GALNT2: variants seen among roughly 807,000 people sequenced by gnomAD.
GALNT2 encodes the protein polypeptide N-acetylgalactosaminyltransferase 2.
GALNT2 carries 31 observed loss-of-function variants against 81.4 expected under a neutral mutation model. That is an observed-to-expected ratio of 0.38 (90% CI 0.29 to 0.51). The LOEUF is 0.51. GALNT2 is among the 20% of genes least tolerant of loss of function. GALNT2 has a pLI of 0.87. For synonymous variants in GALNT2, 303 were observed against 287.4 expected, an observed-to-expected ratio of 1.05 and a Z score of -0.55; for missense variants, 629 against 765.7, an observed-to-expected ratio of 0.82 and a Z score of 2.11.
intron 1 of GALNT2, among the ~76,000 whole-genome samples, chr1:230,115,783 G>T (rs745469373): frequency 1.3e-5 from 2 of 152,350 alleles, no homozygotes; most frequent in East Asian, 1.9e-4. Flanking sequence ...ATAGGAGTCA[G>T]TTCCCTCAAA....
intron 3 of GALNT2, among the ~76,000 whole-genome samples, chr1:230,218,073 G>A (rs1407418605): frequency 6.6e-6 from 1 of 152,068 alleles, no homozygotes; most frequent in East Asian, 1.9e-4. Flanking sequence ...GGTGGGGTGG[G>A]AAATACAAGG....
At chr1:230,133,564 C>T (rs1033322068) in intron 1 of GALNT2, among the ~76,000 whole-genome samples, 2 of 152,136 alleles carry the variant, frequency 1.3e-5, no homozygotes, top group Admixed American at 6.5e-5. Flanking sequence ...AGCAATTCTC[C>T]TGCCTCAGCC....
At chr1:230,095,788 C>G (rs1660237868) in intron 1 of GALNT2, among the ~76,000 whole-genome samples, 1 of 152,138 alleles carries the variant, frequency 6.6e-6, no homozygotes, top group South Asian at 2.1e-4. Flanking sequence ...TCCCCTGGGG[C>G]CCAACTGCCA....
chr1:230,166,832 G>A (rs1662619100), intron 1 of GALNT2, among the ~76,000 whole-genome samples: 1 of 152,188 alleles, frequency 6.6e-6, no homozygotes, highest in African/African-American at 2.4e-5. Flanking sequence ...CCTCAGAATG[G>A]GGGAGAATTG....
intron 2 of GALNT2, among the ~76,000 whole-genome samples, chr1:230,197,646 G>A (rs1438128791): frequency 6.6e-6 from 1 of 152,174 alleles, no homozygotes; most frequent in East Asian, 1.9e-4. Flanking sequence ...TCATTTAGTT[G>A]TTATAACAAC....
rs190379144 is a variant in GALNT2 at position 230,187,691 on chromosome 1, A to T, written c.220+9380A>T. Among the ~76,000 whole-genome samples the T allele has an allele frequency of 1.9e-3, 293 of 152,298 alleles. 2 individuals carry two copies. The highest frequency in any genetic ancestry group is 6.6e-3 in the African/African-American group (276 of 41,560). On this transcript the variant is annotated intron_variant, in intron 2 of 15. Transcript: ENST00000366672. ...GAATCAAGTTGTGCAAACAAATTGA[A>T]GGATGGTGAATGTGGAGGACTTTAT...
At chr1:230,224,000 G>T (rs914577691) in intron 3 of GALNT2, among the ~76,000 whole-genome samples, 2 of 152,236 alleles carry the variant, frequency 1.3e-5, no homozygotes, top group African/African-American at 4.8e-5. Context: ...TAACCTCTAA[G>T]AAGGGTGCTC....
upstream of GALNT2, among the ~76,000 whole-genome samples, chr1:230,066,731 G>A (rs4290070): frequency 7.9e-4 from 121 of 152,354 alleles, 2 homozygotes; most frequent in South Asian, 0.024. Context: ...AGAGGTGACA[G>A]TCTGGGCAGG....
chr1:230,279,560 T>A lies in GALNT2; in HGVS notation c.*102T>A. ...TCTTAAACTTTCCGCGAAACTAATATACCTCAGTATTCCATCATGGTCTGA... is the reference window on the plus strand; with the variant it reads ...TCTTAAACTTTCCGCGAAACTAATAAACCTCAGTATTCCATCATGGTCTGA... On this transcript the variant is annotated 3_prime_UTR_variant, in exon 16 of 16. Transcript: ENST00000366672. This position sits in a 1 kb window ranked among gnomAD's most constrained non-coding sequence, Gnocchi z 4.6. 7.4e-7 allele frequency: 1 copy of A among 1,354,026 alleles called. No individual in the cohort carries two copies. Among genetic ancestry groups the A allele is most frequent in the Non-Finnish European group, 1.0e-6 (1 of 994,314 alleles). The allele number at this position is 1,354,026 out of a possible 1,614,324, so 83.9% of individuals were successfully genotyped here.
chr1:230,206,325 G>A (rs142858184), intron 3 of GALNT2, among the ~76,000 whole-genome samples: 173 of 152,090 alleles, frequency 1.1e-3, no homozygotes, highest in African/African-American at 3.9e-3. Flanking sequence ...ACAGATGTTT[G>A]AATATTCATC....
Position 230,070,027 on chromosome 1 carries a change from T to C in GALNT2, c.126+2621T>C, listed in dbSNP as rs1392222965. Reference sequence around the variant, plus strand: ...TTGTGTGCCCTGCCTGTTAAGTAACTCATCACAGAACTGTTATTCTCCACT... The same window carrying C: ...TTGTGTGCCCTGCCTGTTAAGTAACCCATCACAGAACTGTTATTCTCCACT... On this transcript the variant is annotated intron_variant, in intron 1 of 15. Transcript: ENST00000366672. The surrounding 1 kb of genome is among the most constrained non-coding windows in gnomAD (Gnocchi z 4.7). 6.6e-6 allele frequency among the ~76,000 whole-genome samples: 1 copy of C among 152,114 alleles called. No individual in the cohort carries two copies. Among genetic ancestry groups the C allele is most frequent in the Non-Finnish European group, 1.5e-5 (1 of 68,030 alleles).
At chr1:230,120,523 C>A (rs1389380267) in intron 1 of GALNT2, among the ~76,000 whole-genome samples, 2 of 152,314 alleles carry the variant, frequency 1.3e-5, no homozygotes, top group African/African-American at 2.4e-5. Flanking sequence ...TGTTCCATGT[C>A]TAAGTGGAGT....
At chr1:230,102,153 GGAA>G (rs1399793804) in intron 1 of GALNT2, among the ~76,000 whole-genome samples, 2 of 152,138 alleles carry the variant, frequency 1.3e-5, no homozygotes, top group Non-Finnish European at 2.9e-5. Context: ...CTGTTCTCTT[GGAA>G]GAAGATTTTT....
intron 3 of GALNT2, among the ~76,000 whole-genome samples, chr1:230,221,091 T>C (rs1664532306): frequency 6.6e-6 from 1 of 152,250 alleles, no homozygotes; most frequent in Non-Finnish European, 1.5e-5. Flanking sequence ...ATTTGTCTCA[T>C]ACCCTCTGAT....
chr1:230,183,700 A>G (rs1308343507), intron 2 of GALNT2, among the ~76,000 whole-genome samples: 3 of 152,240 alleles, frequency 2.0e-5, no homozygotes, highest in Non-Finnish European at 4.4e-5. Flanking sequence ...AAAATAGGCG[A>G]GGAGCAGTGG....
intron 1 of GALNT2, among the ~76,000 whole-genome samples, chr1:230,157,997 GA>G (rs997949356): frequency 5.3e-5 from 8 of 151,934 alleles, no homozygotes; most frequent in Non-Finnish European, 7.4e-5. Context: ...TAAAAGCAGA[GA>G]AAAAAAATCA....
upstream of GALNT2, among the ~76,000 whole-genome samples, chr1:230,062,500 T>C (rs1218598275): frequency 2.0e-5 from 3 of 152,348 alleles, no homozygotes; most frequent in South Asian, 2.1e-4. Context: ...TAAATAATAA[T>C]GGGAACTCCT....
At position 230,193,906 on chromosome 1, in the gene GALNT2, C is replaced by T. The variant is rs916273167; in HGVS notation, c.221-9231C>T. Among the ~76,000 whole-genome samples, 4 of 152,150 alleles carry T rather than the reference C, an allele frequency of 2.6e-5. No homozygotes were observed. The highest frequency in any genetic ancestry group is 6.5e-5 in the Admixed American group (1 of 15,274). On this transcript the variant is annotated intron_variant, in intron 2 of 15. Coordinates refer to ENST00000366672, the MANE Select transcript of GALNT2 (RefSeq NM_004481.5). The surrounding 1 kb of genome is among the most constrained non-coding windows in gnomAD (Gnocchi z 4.3). ...CTGGCGGGGCCCCGAGCAGCCTTCC[C>T]GGGGCCTCAGTGCCTATGCTCAGCC...
At chr1:230,211,318 G>T (rs1044355344) in intron 3 of GALNT2, among the ~76,000 whole-genome samples, 2 of 152,200 alleles carry the variant, frequency 1.3e-5, no homozygotes, top group African/African-American at 4.8e-5. Flanking sequence ...TCACAGGTGG[G>T]GACAGGCGCT....
Sources: allele counts gnomAD v4.1 joint callset (sites outside exome capture counted in the v4.1 genomes callset), GRCh38; gene constraint gnomAD v4.1.1; non-coding constraint Gnocchi (gnomAD v3.1); transcripts MANE v1.5; gene names NCBI Gene and HGNC (gene_info 2026-07-23, HGNC 2026-07-21).